The following RORA variants were observed in gnomAD, a reference collection of about 807,000 sequenced individuals.
The protein encoded by RORA is nuclear receptor ROR-alpha.
RORA carries 7 observed loss-of-function variants against 69.5 expected under a neutral mutation model. That is an observed-to-expected ratio of 0.10 (90% CI 0.06 to 0.19). The LOEUF (loss-of-function observed/expected upper bound fraction) is 0.19. RORA is among the 10% of genes least tolerant of loss of function. The probability of loss-of-function intolerance (pLI) is 1.00; values close to 1 mark genes in which losing one functional copy is unlikely to be tolerated. For missense variants in RORA, 457 were observed against 663.0 expected, an observed-to-expected ratio of 0.69 and a Z score of 3.41; for synonymous variants, 261 against 240.8, an observed-to-expected ratio of 1.08 and a Z score of -0.78.
chr15:60,702,356 C>T (rs529167909), intron 1 of RORA, among the ~76,000 whole-genome samples: 8 of 152,214 alleles, frequency 5.3e-5, no homozygotes, highest in East Asian at 1.9e-4. Flanking sequence ...CTCAGCCTCC[C>T]GAGTAGCTGG....
chr15:60,698,932 C>T (rs994401686), intron 1 of RORA, among the ~76,000 whole-genome samples: 5 of 152,096 alleles, frequency 3.3e-5, no homozygotes, highest in South Asian at 2.1e-4. Context: ...TTTTGTTAAT[C>T]GCCTGTTCAT....
At position 60,491,159 on chromosome 15, in the gene RORA, CA is replaced by C. The variant is rs1359121080; in HGVS notation, c.*6295del. On this transcript the variant is annotated 3_prime_UTR_variant, in exon 11 of 11. Transcript: ENST00000335670. ...GTGAAATCATTTTCACTATATTGCT[CA>C]AGAATTATCTGCATTTACATATGCA... 6.6e-6 allele frequency: 1 copy of C among 152,038 alleles called. No homozygotes were observed. The highest frequency in any genetic ancestry group is 2.4e-5 in the African/African-American group (1 of 41,416). The allele number at this position is 152,038 out of a possible 1,614,324, so 9.4% of individuals were successfully genotyped here. A position where few individuals can be genotyped will look rare whatever the true frequency, so the allele number is the denominator to read the frequency against.
At chr15:60,942,091 A>G (rs988098237) in intron 1 of RORA, among the ~76,000 whole-genome samples, 19 of 152,018 alleles carry the variant, frequency 1.2e-4, no homozygotes, top group Non-Finnish European at 2.4e-4. Context: ...TTTTAAAAAC[A>G]TGGAATTTTT....
At position 60,842,396 on chromosome 15, in the gene RORA, A is replaced by G. The variant is rs77827528; in HGVS notation, c.167-163710T>C. Among the ~76,000 whole-genome samples the G allele has an allele frequency of 5.3e-3, 811 of 152,300 alleles. 6 individuals are homozygous for G. The highest frequency in any genetic ancestry group is 0.019 in the African/African-American group (771 of 41,552). On this transcript the variant is annotated intron_variant, in intron 1 of 10. Coordinates refer to ENST00000335670, the MANE Select transcript of RORA (RefSeq NM_134261.3). ...CCCTAACTTACTGTTCAAAGCATTA[A>G]TCATAATAGATATTTTCAAAGCTAC...
Position 60,986,576 on chromosome 15 carries a change from A to G in RORA, c.166+242477T>C, listed in dbSNP as rs186840578. The stretch of plus-strand genomic sequence containing the variant: ...GTCTTTGGCCATGGGAGCTTTAGAC[A>G]TGGGCTCATCTGAGGACAACACAAG... On this transcript the variant is annotated intron_variant, in intron 1 of 10. Coordinates refer to ENST00000335670, the MANE Select transcript of RORA (RefSeq NM_134261.3). Among the ~76,000 whole-genome samples the G allele has an allele frequency of 1.4e-3, 217 of 152,292 alleles. 1 individual carries two copies. The highest frequency in any genetic ancestry group is 5.1e-3 in the African/African-American group (210 of 41,568).
At chr15:61,209,757 T>C (rs562620789) in intron 1 of RORA, among the ~76,000 whole-genome samples, 1 of 152,352 alleles carries the variant, frequency 6.6e-6, no homozygotes, top group South Asian at 2.1e-4. Context: ...CAAGGTCAAA[T>C]GGTTACACAA....
Position 61,036,938 on chromosome 15 carries a change from G to A in RORA, c.166+192115C>T, listed in dbSNP as rs529624095. Among the ~76,000 whole-genome samples the A allele has an allele frequency of 2.1e-3, 326 of 152,022 alleles. 2 individuals are homozygous for A. The highest frequency in any genetic ancestry group is 7.7e-3 in the African/African-American group (318 of 41,438). ...AACAACCTGAATCAGTAGGTCTTGG[G>A]GTATCTTCACTTTTAACAAACACTA... On this transcript the variant is annotated intron_variant, in intron 1 of 10. Coordinates refer to ENST00000335670, the MANE Select transcript of RORA (RefSeq NM_134261.3).
At chr15:60,594,737 G>T (rs1471121825) in intron 2 of RORA, among the ~76,000 whole-genome samples, 2 of 152,166 alleles carry the variant, frequency 1.3e-5, no homozygotes, top group Non-Finnish European at 2.9e-5. Context: ...TCATTCTATA[G>T]ATATGTCCCC....
At chr15:60,587,211 C>T (rs2068361312) in intron 2 of RORA, among the ~76,000 whole-genome samples, 1 of 152,148 alleles carries the variant, frequency 6.6e-6, no homozygotes, top group African/African-American at 2.4e-5. Flanking sequence ...CTCATATCCT[C>T]TTAAAACAAG....
At chr15:60,922,392 G>A (rs1892074728) in intron 1 of RORA, among the ~76,000 whole-genome samples, 1 of 152,154 alleles carries the variant, frequency 6.6e-6, no homozygotes, top group Non-Finnish European at 1.5e-5. Flanking sequence ...GATATTCATA[G>A]TGGGAGAGTG....
intron 1 of RORA, among the ~76,000 whole-genome samples, chr15:61,119,201 G>A (rs1367710490): frequency 6.6e-6 from 1 of 151,540 alleles, no homozygotes; most frequent in East Asian, 1.9e-4. Context: ...CGCTTTTTTG[G>A]TTTGTTTCGT....
At chr15:60,762,121 A>G (rs918313117) in intron 1 of RORA, among the ~76,000 whole-genome samples, 2 of 152,196 alleles carry the variant, frequency 1.3e-5, no homozygotes, top group African/African-American at 2.4e-5. Flanking sequence ...AAAAAGAAGC[A>G]TCTAGAATAA....
intron 1 of RORA, among the ~76,000 whole-genome samples, chr15:61,166,047 G>C (rs969458911): frequency 6.6e-6 from 1 of 152,174 alleles, no homozygotes; most frequent in African/African-American, 2.4e-5. Flanking sequence ...GCTGCCATCA[G>C]GTGCAAGATT....
intron 1 of RORA, among the ~76,000 whole-genome samples, chr15:60,755,082 C>A (rs1321588343): frequency 6.6e-6 from 1 of 150,848 alleles, no homozygotes; most frequent in Non-Finnish European, 1.5e-5. Flanking sequence ...GTGCTGCACC[C>A]ATTAACTCGT....
intron 2 of RORA, among the ~76,000 whole-genome samples, chr15:60,597,009 C>T (rs1188031772): frequency 6.6e-6 from 1 of 152,148 alleles, no homozygotes; most frequent in East Asian, 1.9e-4. Flanking sequence ...GAGAAGGTCA[C>T]AAATCAGCTG....
intron 2 of RORA, among the ~76,000 whole-genome samples, chr15:60,655,960 G>A (rs896084009): frequency 2.0e-5 from 3 of 152,158 alleles, no homozygotes; most frequent in Non-Finnish European, 2.9e-5. Flanking sequence ...TTATATTAGC[G>A]ATGTACAATA....
intron 2 of RORA, among the ~76,000 whole-genome samples, chr15:60,610,032 A>C (rs1350011745): frequency 6.6e-6 from 1 of 152,168 alleles, no homozygotes; most frequent in Non-Finnish European, 1.5e-5. Flanking sequence ...GAAGCTGCTA[A>C]AGAGATTTAA....
intron 1 of RORA, among the ~76,000 whole-genome samples, chr15:61,202,366 T>C (rs1340746232): frequency 1.3e-5 from 2 of 152,230 alleles, no homozygotes; most frequent in African/African-American, 4.8e-5. Context: ...ATAAGGTTTT[T>C]GGGTCCTTCT....
At chr15:60,592,112 C>T (rs942736131) in intron 2 of RORA, among the ~76,000 whole-genome samples, 1 of 150,912 alleles carries the variant, frequency 6.6e-6, no homozygotes, top group African/African-American at 2.5e-5. Flanking sequence ...CGCCCGGTGC[C>T]AAGCGGACCC....
Sources: allele counts gnomAD v4.1 joint callset (sites outside exome capture counted in the v4.1 genomes callset), GRCh38; gene constraint gnomAD v4.1.1; transcripts MANE v1.5; gene names NCBI Gene and HGNC (gene_info 2026-07-23, HGNC 2026-07-21).